The following ALK variants were observed in gnomAD, a reference collection of about 807,000 sequenced individuals.
ALK encodes ALK tyrosine kinase receptor.
Under a neutral mutation model 163.1 loss-of-function variants are expected in ALK, and 74 were observed. The observed-to-expected ratio is 0.45, with a 90% CI of 0.38 to 0.55. The LOEUF (loss-of-function observed/expected upper bound fraction) is 0.55. Ranked by LOEUF, ALK falls within the 20% of genes least tolerant of loss-of-function variation. ALK has a pLI of 0.00. For missense variants in ALK, 2,063 were observed against 2,105.3 expected, an observed-to-expected ratio of 0.98 and a Z score of 0.39; for synonymous variants, 960 against 843.2, an observed-to-expected ratio of 1.14 and a Z score of -2.40.
At chr2:29,202,739 A>G (rs1327855458) in intron 26 of ALK, among the ~76,000 whole-genome samples, 2 of 152,194 alleles carry the variant, frequency 1.3e-5, no homozygotes, top group Non-Finnish European at 1.5e-5. Context: ...ATACTGCGGA[A>G]TAGTTTTCCA....
intron 2 of ALK, among the ~76,000 whole-genome samples, chr2:29,697,510 A>G (rs1156473086): frequency 6.6e-6 from 1 of 152,186 alleles, no homozygotes; most frequent in East Asian, 1.9e-4. Flanking sequence ...CCACTCCCCA[A>G]AGTGGCTGAA....
intron 1 of ALK, among the ~76,000 whole-genome samples, chr2:29,887,488 C>T (rs1667014323): frequency 6.6e-6 from 1 of 152,174 alleles, no homozygotes; most frequent in African/African-American, 2.4e-5. Context: ...CTGCCACACA[C>T]TATTAGTCAA....
chr2:29,460,119 G>C (rs1336199993), intron 4 of ALK, among the ~76,000 whole-genome samples: 1 of 152,150 alleles, frequency 6.6e-6, no homozygotes, highest in African/African-American at 2.4e-5. Context: ...GGAGTGGAAC[G>C]AACACAGCAA....
intron 1 of ALK, among the ~76,000 whole-genome samples, chr2:29,718,346 C>G (rs1207266996): frequency 3.3e-5 from 5 of 152,204 alleles, no homozygotes; most frequent in Admixed American, 2.0e-4. Context: ...AGCAGCACCT[C>G]ATGTGGATTT....
chr2:29,238,412 G>A (rs1664436770), intron 13 of ALK, among the ~76,000 whole-genome samples: 1 of 152,028 alleles, frequency 6.6e-6, no homozygotes, highest in South Asian at 2.1e-4. Flanking sequence ...GGCCAGGCTG[G>A]TCTCGAACTT....
At chr2:29,496,363 C>G (rs1672023253) in intron 4 of ALK, among the ~76,000 whole-genome samples, 1 of 152,156 alleles carries the variant, frequency 6.6e-6, no homozygotes, top group African/African-American at 2.4e-5. Flanking sequence ...GGAACTAATA[C>G]AGACAAACTA....
At chr2:29,919,768 C>A (rs1015545794) in intron 1 of ALK, among the ~76,000 whole-genome samples, 2 of 152,128 alleles carry the variant, frequency 1.3e-5, no homozygotes, top group Admixed American at 6.5e-5. Flanking sequence ...TGAAACTTTT[C>A]CCCCAACTTG....
intron 3 of ALK, among the ~76,000 whole-genome samples, chr2:29,679,786 C>T (rs1260437264): frequency 6.6e-6 from 1 of 151,914 alleles, no homozygotes; most frequent in Non-Finnish European, 1.5e-5. Flanking sequence ...ATTTCTAGTA[C>T]TCTTCATTTC....
chr2:29,783,117 C>T (rs575788578), intron 1 of ALK, among the ~76,000 whole-genome samples: 42 of 152,342 alleles, frequency 2.8e-4, no homozygotes, highest in African/African-American at 9.6e-4. Flanking sequence ...GGTTACATTA[C>T]GGGCTCTTCG....
intron 1 of ALK, among the ~76,000 whole-genome samples, chr2:29,893,730 T>G (rs1204618253): frequency 6.6e-6 from 1 of 152,142 alleles, no homozygotes; most frequent in Non-Finnish European, 1.5e-5. Context: ...ATAATATCTG[T>G]AATAATAGAA....
At chr2:29,537,804 T>C (rs543170260) in intron 3 of ALK, among the ~76,000 whole-genome samples, 27 of 152,244 alleles carry the variant, frequency 1.8e-4, no homozygotes, top group Non-Finnish European at 3.7e-4. Context: ...TGCAAAGTCA[T>C]AGGGGTGGAG....
chr2:29,624,181 T>A (rs961255697), intron 3 of ALK, among the ~76,000 whole-genome samples: 1 of 152,254 alleles, frequency 6.6e-6, no homozygotes, highest in Non-Finnish European at 1.5e-5. Flanking sequence ...TCGCTGGTGG[T>A]AGAAACCCCA....
chr2:29,325,310 C>G (rs1048418506), intron 6 of ALK, among the ~76,000 whole-genome samples: 1 of 152,166 alleles, frequency 6.6e-6, no homozygotes, highest in Non-Finnish European at 1.5e-5. Flanking sequence ...GAGTATTTTC[C>G]TATGATGTTG....
intron 1 of ALK, among the ~76,000 whole-genome samples, chr2:29,917,603 G>A (rs566396865): frequency 1.3e-5 from 2 of 152,192 alleles, no homozygotes; most frequent in South Asian, 4.1e-4. Context: ...ATGAGGCTGG[G>A]GAGGCAATGA....
intron 13 of ALK, among the ~76,000 whole-genome samples, chr2:29,236,598 C>A (rs186931571): frequency 6.6e-6 from 1 of 152,128 alleles, no homozygotes; most frequent in Non-Finnish European, 1.5e-5. Context: ...GGGTGGGGAG[C>A]GGTCAAGGCT....
intron 1 of ALK, among the ~76,000 whole-genome samples, chr2:29,852,743 T>A (rs986551329): frequency 2.0e-5 from 3 of 152,066 alleles, no homozygotes; most frequent in Non-Finnish European, 4.4e-5. Context: ...TATTTGGAAG[T>A]GAGACCTTTG....
At chr2:29,269,019 G>A (rs1300581981) in intron 11 of ALK, among the ~76,000 whole-genome samples, 1 of 152,172 alleles carries the variant, frequency 6.6e-6, no homozygotes, top group South Asian at 2.1e-4. Context: ...AGGAAACAAA[G>A]GCACAGACAG....
intron 3 of ALK, among the ~76,000 whole-genome samples, chr2:29,611,725 G>C (rs1459909839): frequency 1.3e-5 from 2 of 152,078 alleles, no homozygotes; most frequent in African/African-American, 4.8e-5. Flanking sequence ...GAACTCTCAG[G>C]AGATCTGGTT....
intron 3 of ALK, among the ~76,000 whole-genome samples, chr2:29,633,173 T>TCCC (rs3055133): frequency 6.6e-6 from 1 of 151,850 alleles, no homozygotes; most frequent in South Asian, 2.1e-4. Flanking sequence ...TCCATGATGA[T>TCCC]CCTCATAGGC....
Sources: gnomAD v4.1 joint callset for allele counts (sites outside exome capture counted in the v4.1 genomes callset) on GRCh38, gnomAD v4.1.1 for gene constraint, MANE v1.5 for transcripts, NCBI Gene and HGNC (gene_info 2026-07-23, HGNC 2026-07-21) for gene names.